Variants in PDGFD observed in about 807,000 individuals in gnomAD.
The protein encoded by PDGFD is platelet derived growth factor D.
In PDGFD, 30 loss-of-function variants were observed where a neutral mutation model predicts 44.7. The ratio of observed to expected loss-of-function variants is 0.67; its 90% CI spans 0.50 to 0.91. The LOEUF is 0.91. Ranked by LOEUF, PDGFD falls within the 40% of genes least tolerant of loss-of-function variation. The probability of loss-of-function intolerance (pLI) is 0.00; values close to 1 mark genes in which losing one functional copy is unlikely to be tolerated. For synonymous variants in PDGFD, 173 were observed against 168.4 expected (o/e 1.03, Z -0.21); for missense variants, 445 against 457.8 (o/e 0.97, Z 0.25).
At chr11:103,970,316 C>G (rs1242220606) in intron 3 of PDGFD, among the ~76,000 whole-genome samples, 2 of 152,078 alleles carry the variant, frequency 1.3e-5, no homozygotes, top group African/African-American at 4.8e-5. Context: ...GTTGCCATGA[C>G]TTCTTTGTTA....
intron 6 of PDGFD, among the ~76,000 whole-genome samples, chr11:103,913,771 AAG>A (rs1419763403): frequency 2.6e-5 from 4 of 152,212 alleles, no homozygotes; most frequent in Admixed American, 2.0e-4. Flanking sequence ...TAAAGAAGAA[AAG>A]AGAGAAGAAT....
At chr11:104,010,247 A>G (rs374187401) in intron 1 of PDGFD, among the ~76,000 whole-genome samples, 1 of 152,002 alleles carries the variant, frequency 6.6e-6, no homozygotes, top group Non-Finnish European at 1.5e-5. Flanking sequence ...TGTTACATAA[A>G]CAGCCATGCT....
At chr11:104,061,232 AAAT>A (rs1221725612) in intron 1 of PDGFD, among the ~76,000 whole-genome samples, 4 of 152,192 alleles carry the variant, frequency 2.6e-5, no homozygotes, top group African/African-American at 9.7e-5. Flanking sequence ...CTAAGTAAGA[AAAT>A]AATTCTTAGC....
chr11:103,994,166 G>A (rs1859499684), intron 3 of PDGFD, among the ~76,000 whole-genome samples: 1 of 152,154 alleles, frequency 6.6e-6, no homozygotes, highest in Non-Finnish European at 1.5e-5. Context: ...AAGACATTAT[G>A]TTGTAGTTAT....
chr11:104,146,824 C>A (rs1312008883), intron 1 of PDGFD, among the ~76,000 whole-genome samples: 1 of 151,342 alleles, frequency 6.6e-6, no homozygotes, highest in Non-Finnish European at 1.5e-5. Flanking sequence ...ATTCCAGGAG[C>A]CAGAGGGGAA....
intron 3 of PDGFD, among the ~76,000 whole-genome samples, chr11:103,950,200 A>T (rs1858730405): frequency 6.6e-6 from 1 of 152,072 alleles, no homozygotes; most frequent in African/African-American, 2.4e-5. Context: ...CAGTTTTAAA[A>T]TCTTGGAACT....
At chr11:104,107,408 G>C (rs193297947) in intron 1 of PDGFD, among the ~76,000 whole-genome samples, 23 of 152,246 alleles carry the variant, frequency 1.5e-4, no homozygotes, top group South Asian at 6.2e-4. Flanking sequence ...GCGCTTAGAA[G>C]AGGACTTCAA....
rs557771048 is a variant in PDGFD, at chr11:104,045,856, T to C, written c.125-45601A>G. ...GACAAGCAGGTTTTTGATAAAGAAA[T>C]GTGCTTACGAACAGGACAAGATGCC... is the stretch of plus-strand genomic sequence containing the variant. On this transcript the variant is annotated intron_variant, in intron 1 of 6. Transcript: ENST00000393158. Among the ~76,000 whole-genome samples the C allele has an allele frequency of 4.9e-4, 72 of 147,068 alleles. 10 individuals carry two copies. Among genetic ancestry groups the C allele is most frequent in the Non-Finnish European group, 9.9e-4 (65 of 65,920 alleles).
At chr11:104,029,608 C>T (rs1044017325) in intron 1 of PDGFD, among the ~76,000 whole-genome samples, 16 of 152,198 alleles carry the variant, frequency 1.1e-4, no homozygotes, top group African/African-American at 3.6e-4. Context: ...TCTCAATATA[C>T]TCTGTCCTAT....
chr11:104,059,917 A>T (rs1030405590), intron 1 of PDGFD, among the ~76,000 whole-genome samples: 3 of 152,204 alleles, frequency 2.0e-5, no homozygotes, highest in Middle Eastern at 3.2e-3. Flanking sequence ...TTTGAAAACA[A>T]ATCATTTTGA....
Position 103,937,675 on chromosome 11 carries a change from G to A in PDGFD, c.772+5777C>T, listed in dbSNP as rs574572213. 8.4e-3 allele frequency among the ~76,000 whole-genome samples: 1,266 copies of A among 150,054 alleles called. 18 individuals carry two copies. Among genetic ancestry groups the A allele is most frequent in the African/African-American group, 0.03 (1,209 of 40,842 alleles). Reference sequence around the variant, plus strand: ...CCATTAACTCGTCATTTAACATTAGGTATATCTCCTAATGCTATCCCTCCC... The same window carrying A: ...CCATTAACTCGTCATTTAACATTAGATATATCTCCTAATGCTATCCCTCCC... On this transcript the variant is annotated intron_variant, in intron 5 of 6. Coordinates refer to ENST00000393158, the MANE Select transcript of PDGFD (RefSeq NM_025208.5).
intron 1 of PDGFD, among the ~76,000 whole-genome samples, chr11:104,114,889 T>TTG (rs1555054767): frequency 1.8e-3 from 271 of 151,824 alleles, no homozygotes; most frequent in Non-Finnish European, 2.4e-3. Flanking sequence ...GTTTTTTTTT[T>TTG]TGTTTTTTCA....
chr11:104,036,277 TA>T (rs376076640), intron 1 of PDGFD, among the ~76,000 whole-genome samples: 40 of 150,540 alleles, frequency 2.7e-4, no homozygotes, highest in South Asian at 8.5e-4. Flanking sequence ...CCAAATCTAT[TA>T]AAAAAAAATA....
intron 1 of PDGFD, among the ~76,000 whole-genome samples, chr11:104,126,625 T>C (rs1861845007): frequency 6.6e-6 from 1 of 152,054 alleles, no homozygotes; most frequent in African/African-American, 2.4e-5. Flanking sequence ...TAAGGTCTAG[T>C]AAGAGAGGAA....
chr11:104,159,219 A>G (rs1286531151), intron 1 of PDGFD, among the ~76,000 whole-genome samples: 2 of 152,052 alleles, frequency 1.3e-5, no homozygotes, highest in African/African-American at 4.8e-5. Context: ...GTTAAGATCA[A>G]GTAAAGAATG....
intron 5 of PDGFD, among the ~76,000 whole-genome samples, chr11:103,930,693 A>T (rs1439481661): frequency 6.6e-6 from 1 of 152,110 alleles, no homozygotes; most frequent in African/African-American, 2.4e-5. Flanking sequence ...CAGCTTCCAC[A>T]AGCGATGCTG....
At chr11:104,131,607 G>A (rs1861919920) in intron 1 of PDGFD, among the ~76,000 whole-genome samples, 1 of 151,942 alleles carries the variant, frequency 6.6e-6, no homozygotes, top group Non-Finnish European at 1.5e-5. Flanking sequence ...AATGATAAGT[G>A]TTCTCTCTTA....
At chr11:104,130,828 C>T (rs531018561) in intron 1 of PDGFD, among the ~76,000 whole-genome samples, 85 of 152,236 alleles carry the variant, frequency 5.6e-4, no homozygotes, top group Non-Finnish European at 1.1e-3. Flanking sequence ...TTTTACAGAC[C>T]TTCTAACCTT....
At chr11:103,926,774 G>A in intron 6 of PDGFD, 138 bp downstream of exon 6, 6 of 859,766 alleles carry the variant, frequency 7.0e-6, no homozygotes, top group Non-Finnish European at 1.1e-5. Flanking sequence ...ACCTAGTGTG[G>A]GTAGAATTTC....
Sources: gnomAD v4.1 joint callset for allele counts (sites outside exome capture counted in the v4.1 genomes callset) on GRCh38, gnomAD v4.1.1 for gene constraint, MANE v1.5 for transcripts, NCBI Gene and HGNC (gene_info 2026-07-23, HGNC 2026-07-21) for gene names.